The following SYNPO2L variants were observed in gnomAD, a reference collection of about 807,000 sequenced individuals.
The protein encoded by SYNPO2L is synaptopodin 2 like.
A neutral mutation model predicts 47.5 loss-of-function variants in SYNPO2L; 34 were observed. The ratio of observed to expected loss-of-function variants is 0.72; its 90% CI spans 0.54 to 0.95. SYNPO2L has a LOEUF of 0.95. Ranked by LOEUF, SYNPO2L falls within the 40% of genes least tolerant of loss-of-function variation. The probability of loss-of-function intolerance (pLI) is 0.00; values close to 1 mark genes in which losing one functional copy is unlikely to be tolerated. For synonymous variants in SYNPO2L, 536 were observed against 524.9 expected (o/e 1.02, Z -0.29); for missense variants, 1,246 against 1,282.0 (o/e 0.97, Z 0.43).
Position 73,647,702 on chromosome 10 carries a change from G to C in SYNPO2L, c.1950C>G (p.Pro650=), listed in dbSNP as rs781327981. The change falls in exon 4 of 4, where the codon CCC becomes CCG. Residue 650 remains proline, a synonymous_variant. Coordinates refer to ENST00000394810, the MANE Select transcript of SYNPO2L (RefSeq NM_001114133.3). ...GKEETKNSPN[P]ELLSLVQNLD... ...GGTTCTGTACCAGCGATAGCAGCTC[G>C]GGGTTGGGCGAGTTCTTCGTCTCCT... 6.2e-7 allele frequency: 1 copy of C among 1,614,140 alleles called. No individual in the cohort carries two copies. Among genetic ancestry groups the C allele is most frequent in the Non-Finnish European group, 8.5e-7 (1 of 1,180,000 alleles).
rs1589450036 is a variant in SYNPO2L at position 73,646,651 on chromosome 10, A to G, written c.*67T>C. ...CCAGATGCGTGACAGGGGATGGGAT[A>G]GGGTAGGAGAAGCAACTTTAGGAAC... On this transcript the variant is annotated 3_prime_UTR_variant, in exon 4 of 4. Coordinates refer to ENST00000394810, the MANE Select transcript of SYNPO2L (RefSeq NM_001114133.3). The G allele has an allele frequency of 1.4e-6, 2 of 1,388,806 alleles. No homozygotes were observed. The highest frequency in any genetic ancestry group is 5.1e-5 in the East Asian group (2 of 39,126). The allele number at this position is 1,388,806 out of a possible 1,614,324, so 86.0% of individuals were successfully genotyped here.
At chr10:73,655,690 G>GGCCCCCCCC in intron 1 of SYNPO2L, 128 bp downstream of exon 1, 8 of 271,704 alleles carry the variant, frequency 2.9e-5, no homozygotes, top group Non-Finnish European at 5.2e-5. Flanking sequence ...ATACTTCCCT[G>GGCCCCCCCC]CCCACCACCC....
chr10:73,648,110 C>T lies in SYNPO2L; in HGVS notation c.1542G>A (p.Gly514=), dbSNP rs1179434216. ...PAPPPFLSSQ[G]PTPLPSFTSG... ...AAGTGAAGCTGGGCAGAGGGGTGGG[C>T]CCCTGCGAAGACAAGAAGGGGGGTG... Residue 514 remains glycine, a synonymous_variant, in exon 4 of 4, where the codon GGG becomes GGA. Coordinates refer to ENST00000394810, the MANE Select transcript of SYNPO2L (RefSeq NM_001114133.3). The T allele has an allele frequency of 1.3e-6, 2 of 1,542,998 alleles. No individual in the cohort carries two copies. Among genetic ancestry groups the T allele is most frequent in the Non-Finnish European group, 1.7e-6 (2 of 1,146,552 alleles).
Position 73,646,816 on chromosome 10 carries a change from G to A in SYNPO2L, c.2836C>T (p.Pro946Ser), listed in dbSNP as rs145419337. The stretch of plus-strand genomic sequence containing the variant: ...GCTACCTGGAAACCGCAGGAGCTGG[G>A]AGAAGCCCCAAGGCCCCTGGGAGCC... ...PEAPRGLGAS[P>S]SSCGFQVARP... Residue 946 changes from proline (P) to serine (S), a missense_variant, in exon 4 of 4, where the codon CCC (proline) becomes TCC (serine). Transcript: ENST00000394810. The A allele has an allele frequency of 1.6e-5, 25 of 1,544,212 alleles. No homozygotes were observed. In the African/African-American group the frequency reaches 3.2e-4, roughly 20 times the overall value.
Position 73,644,927 on chromosome 10 carries a change from G to T in SYNPO2L, c.*1791C>A. 1 of 1,070,172 alleles carries T rather than the reference G, an allele frequency of 9.3e-7. No homozygotes were observed. Among genetic ancestry groups the T allele is most frequent in the Non-Finnish European group, 1.2e-6 (1 of 821,870 alleles). The allele number at this position is 1,070,172 out of a possible 1,614,324, so 66.3% of individuals were successfully genotyped here. A position where few individuals can be genotyped will look rare whatever the true frequency, so the allele number is the denominator to read the frequency against. ...ATTCTTGTGCACAAACCAAAGTATT[G>T]TGACTCACACCCAACAAGCAAAGGA... On this transcript the variant is annotated 3_prime_UTR_variant, in exon 4 of 4. Transcript: ENST00000394810.
Position 73,648,636 on chromosome 10 carries a change from G to T in SYNPO2L, c.1016C>A (p.Ala339Asp). The T allele has an allele frequency of 1.9e-6, 3 of 1,613,828 alleles. No homozygotes were observed. The African/African-American group carries it at 4.0e-5, about 21-fold the overall frequency. ...GGTGAGGCTGCGGGCGTCAGAGAAG[G>T]CTTCTTCGTCCAGCTCGGACTCACT... ...PTSESELDEEAFSDARSLTNQ... is the reference protein window; with the variant it reads ...PTSESELDEEDFSDARSLTNQ... Residue 339 changes from alanine (A) to aspartate (D), a missense_variant, in exon 4 of 4, where the codon GCC becomes GAC. Transcript: ENST00000394810.
In SYNPO2L at chr10:73,646,199, C is replaced by CAT; in HGVS notation, c.*518_*519insAT. The stretch of plus-strand genomic sequence containing the variant: ...AAGAGCACACACACACACACACACA[C>CAT]ACACACACACACACACACAGGCCTA... On this transcript the variant is annotated 3_prime_UTR_variant, in exon 4 of 4. Transcript: ENST00000394810. 1 of 987,598 alleles carries CAT rather than the reference C, an allele frequency of 1.0e-6. No individual in the cohort carries two copies. The highest frequency in any genetic ancestry group is 1.7e-5 in the African/African-American group (1 of 57,144). 61.2% of individuals were successfully genotyped at this position (987,598 alleles called of 1,614,324 possible).
intron 3 of SYNPO2L, 115 bp downstream of exon 3, chr10:73,653,024 T>C: frequency 4.0e-6 from 5 of 1,254,974 alleles, no homozygotes; most frequent in Non-Finnish European, 4.2e-6. Flanking sequence ...ACCCCTCCTG[T>C]CCCCAAGACT....
chr10:73,649,624 CA>C, intron 3 of SYNPO2L: 2 of 685,030 alleles, frequency 2.9e-6, no homozygotes, highest in Non-Finnish European at 3.6e-6. Flanking sequence ...TATGTAAATA[CA>C]CATGTGTGCA....
intron 1 of SYNPO2L, among the ~76,000 whole-genome samples, 164 bp downstream of exon 1, chr10:73,655,654 C>T (rs769133906): frequency 1.3e-5 from 2 of 151,872 alleles, no homozygotes; most frequent in East Asian, 1.9e-4. Flanking sequence ...TGTGGTCAGA[C>T]GCTACTCCCA....
chr10:73,646,178 GCACACACACACA>G lies in SYNPO2L; in HGVS notation c.*528_*539del, dbSNP rs3219615. ...TCTTATTCATGCCTTAGACGGAAGAGCACACACACACACACACACACACACACACACACACAC... is the reference window on the plus strand; with the variant it reads ...TCTTATTCATGCCTTAGACGGAAGAGCACACACACACACACACACACACAC... On this transcript the variant is annotated 3_prime_UTR_variant, in exon 4 of 4. Transcript: ENST00000394810. The G allele has an allele frequency of 9.0e-5, 85 of 946,144 alleles. No individual in the cohort carries two copies. The highest frequency in any genetic ancestry group is 3.8e-4 in the African/African-American group (20 of 52,662). 58.6% of individuals were successfully genotyped at this position (946,144 alleles called of 1,614,324 possible).
chr10:73,647,563 T>C lies in SYNPO2L; in HGVS notation c.2089A>G (p.Thr697Ala). The C allele has an allele frequency of 6.2e-7, 1 of 1,607,984 alleles. No individual in the cohort carries two copies. The highest frequency in any genetic ancestry group is 8.5e-7 in the Non-Finnish European group (1 of 1,175,932). Residue 697 changes from threonine to alanine, a missense_variant, in exon 4 of 4, where the codon ACC (threonine) becomes GCC (alanine). By Grantham distance (58) the Thr-to-Ala change is moderately conservative. This residue lies in a region of SYNPO2L where 1,037 missense variants were observed against 1,021.5 expected (regional missense o/e 1.02). Transcript: ENST00000394810. ...MQPVGARSYK[T>A]LPHVTPKTPP... ...GTCTTAGGTGTCACGTGAGGCAGGG[T>C]CTTGTAACTCCTGGCCCCTACTGGC...
At position 73,645,906 on chromosome 10, in the gene SYNPO2L, G is replaced by T; in HGVS notation, c.*812C>A. 4 of 947,662 alleles carry T rather than the reference G, an allele frequency of 4.2e-6. No individual in the cohort carries two copies. The highest frequency in any genetic ancestry group is 5.0e-6 in the Non-Finnish European group (4 of 795,364). The allele number at this position is 947,662 out of a possible 1,614,324, so 58.7% of individuals were successfully genotyped here. Reference sequence around the variant, plus strand: ...GTGGCGCAATCTCAGCTCACTGCAAGCTCCGCCTTCCAGGTTCATGCCATT... The same window carrying T: ...GTGGCGCAATCTCAGCTCACTGCAATCTCCGCCTTCCAGGTTCATGCCATT... On this transcript the variant is annotated 3_prime_UTR_variant, in exon 4 of 4. Coordinates refer to ENST00000394810, the MANE Select transcript of SYNPO2L (RefSeq NM_001114133.3).
rs970229993 is a variant in SYNPO2L at position 73,649,901 on chromosome 10, G to A, written c.773-1022C>T. The A allele has an allele frequency of 6.1e-6, 6 of 985,256 alleles. No individual in the cohort carries two copies. The East Asian group carries it at 6.8e-4, about 112-fold the overall frequency. 61.0% of individuals were successfully genotyped at this position (985,256 alleles called of 1,614,324 possible). ...CAAATCTTTAGGATACCTCAAGGTC[G>A]CCAGCTAAATATATTATTTACCCCA... is the stretch of plus-strand genomic sequence containing the variant. On this transcript the variant is annotated intron_variant, in intron 3 of 3. Transcript: ENST00000394810.
Position 73,646,918 on chromosome 10 carries a change from C to A in SYNPO2L, c.2734G>T (p.Ala912Ser). The change falls in exon 4 of 4, where the codon GCC becomes TCC. Residue 912 changes from alanine (A) to serine (S), a missense_variant. Transcript: ENST00000394810. ...LAPTVLAPRA[A>S]TTLDEPIWRT... is the part of the protein sequence containing the mutation. The stretch of plus-strand genomic sequence containing the variant: ...CAGATGGGCTCATCCAGTGTAGTGG[C>A]TGCTCGGGGGGCAAGCACAGTGGGA... 1 of 1,585,088 alleles carries A rather than the reference C, an allele frequency of 6.3e-7. No individual in the cohort carries two copies. Among genetic ancestry groups the A allele is most frequent in the Non-Finnish European group, 8.6e-7 (1 of 1,163,200 alleles).
chr10:73,654,368 G>T, intron 1 of SYNPO2L, 88 bp from the exon 2 acceptor site: 1 of 1,500,594 alleles, frequency 6.7e-7, no homozygotes. Flanking sequence ...CCACAGGAGG[G>T]GATTTTACTT....
chr10:73,650,546 C>T (rs1355732709), intron 3 of SYNPO2L: 1 of 392,400 alleles, frequency 2.5e-6, no homozygotes, highest in Admixed American at 6.4e-5. Flanking sequence ...TGAAGGCCCA[C>T]TATAACCATT....
intron 3 of SYNPO2L, chr10:73,649,937 G>A (rs1370979006): frequency 1.0e-6 from 1 of 985,300 alleles, no homozygotes; most frequent in African/African-American, 1.7e-5. Flanking sequence ...AGCTGGGGAT[G>A]GTAGTGGGGT....
In SYNPO2L at chr10:73,653,194, G is replaced by A; in HGVS notation, c.717C>T (p.Pro239=). Residue 239 remains proline (P), a synonymous_variant, in exon 3 of 4, where the codon CCC becomes CCT. Coordinates refer to ENST00000394810, the MANE Select transcript of SYNPO2L (RefSeq NM_001114133.3). The stretch of plus-strand genomic sequence containing the variant: ...TAGTAAGATCTTCTGCCACTGGGTG[G>A]GGAACAGGCCCCACCATAGGGATGA... The part of the protein sequence containing the change: ...PHLIPMVGPV[P]HPVAEDLTTT... 6 of 1,461,486 alleles carry A rather than the reference G, an allele frequency of 4.1e-6. No individual in the cohort carries two copies. In the South Asian group the frequency reaches 8.7e-5, roughly 21 times the overall value. The allele number at this position is 1,461,486 out of a possible 1,614,324, so 90.5% of individuals were successfully genotyped here.
Sources: gnomAD v4.1 joint callset for allele counts (sites outside exome capture counted in the v4.1 genomes callset) on GRCh38, gnomAD v4.1.1 for gene constraint, gnomAD v4.1.1 regional missense constraint, MANE v1.5 for transcripts, NCBI Gene and HGNC (gene_info 2026-07-23, HGNC 2026-07-21) for gene names.